The following PLCE1 variants were observed in gnomAD, a reference collection of about 807,000 sequenced individuals.
PLCE1 encodes 1-phosphatidylinositol 4,5-bisphosphate phosphodiesterase epsilon-1.
PLCE1 carries 119 observed loss-of-function variants against 242.8 expected under a neutral mutation model. The ratio of observed to expected loss-of-function variants is 0.49; its 90% CI spans 0.42 to 0.57. The LOEUF is 0.57. PLCE1 is among the 20% of genes least tolerant of loss of function. PLCE1 has a pLI of 0.00. For synonymous variants in PLCE1, 945 were observed against 1,017.4 expected, an observed-to-expected ratio of 0.93 and a Z score of 1.35; for missense variants, 2,441 against 2,788.8, an observed-to-expected ratio of 0.88 and a Z score of 2.81.
chr10:94,263,213 T>A (rs1200666330), intron 14 of PLCE1, among the ~76,000 whole-genome samples: 1 of 151,828 alleles, frequency 6.6e-6, no homozygotes, highest in African/African-American at 2.4e-5. Context: ...GTATGTTTTT[T>A]AACAAAATAC....
chr10:94,012,576 C>T (rs548321218), intron 1 of PLCE1, among the ~76,000 whole-genome samples: 317 of 152,222 alleles, frequency 2.1e-3, no homozygotes, highest in African/African-American at 7.3e-3. Context: ...TCACCCTGGA[C>T]GGTGCAGCTT....
intron 4 of PLCE1, among the ~76,000 whole-genome samples, chr10:94,198,286 T>C (rs2048887812): frequency 6.6e-6 from 1 of 152,162 alleles, no homozygotes; most frequent in South Asian, 2.1e-4. Flanking sequence ...TGAATATGTG[T>C]TCATTCTCAA....
At chr10:94,053,060 GC>G (rs745646551) in intron 2 of PLCE1, among the ~76,000 whole-genome samples, 6 of 152,140 alleles carry the variant, frequency 3.9e-5, no homozygotes, top group Non-Finnish European at 8.8e-5. Context: ...CTTTTGGAAT[GC>G]CCTTCATTTC....
chr10:94,069,509 A>C (rs1292001833), intron 2 of PLCE1, among the ~76,000 whole-genome samples: 2 of 152,198 alleles, frequency 1.3e-5, no homozygotes, highest in African/African-American at 4.8e-5. Context: ...GCTACTCCGG[A>C]GCCTGAGGCA....
At chr10:94,228,495 G>A (rs906773564) in intron 5 of PLCE1, among the ~76,000 whole-genome samples, 5 of 152,150 alleles carry the variant, frequency 3.3e-5, no homozygotes, top group Non-Finnish European at 7.4e-5. Flanking sequence ...ACACATGTGC[G>A]TGGCGTATAG....
chr10:94,108,054 A>G (rs1346612207), intron 2 of PLCE1, among the ~76,000 whole-genome samples: 1 of 152,212 alleles, frequency 6.6e-6, no homozygotes, highest in Non-Finnish European at 1.5e-5. Flanking sequence ...TCAATTCCAT[A>G]GCACAAGCTA....
chr10:94,252,317 A>T lies in PLCE1; in HGVS notation c.3098A>T (p.Glu1033Val). Residue 1033 changes from glutamate to valine, a missense_variant and splice_region_variant, in exon 9 of 33, where the codon GAG becomes GTG. Glu to Val is a moderately radical substitution (Grantham distance 121). Coordinates refer to ENST00000371380, the MANE Select transcript of PLCE1 (RefSeq NM_016341.4). ...GTTCACCATGTGGCTCTTTCACAGG[A>T]GGATGGACGGTATGAAGGCCCAACT... Reference protein sequence around the residue: ...LRKQYVSLYQEDGRYEGPTLA... With the variant: ...LRKQYVSLYQVDGRYEGPTLA... The T allele has an allele frequency of 1.2e-6, 2 of 1,613,954 alleles. No individual in the cohort carries two copies. Among genetic ancestry groups the T allele is most frequent in the Non-Finnish European group, 1.7e-6 (2 of 1,179,908 alleles).
At chr10:94,222,702 G>C (rs150292918) in intron 4 of PLCE1, among the ~76,000 whole-genome samples, 1 of 152,260 alleles carries the variant, frequency 6.6e-6, no homozygotes, top group Non-Finnish European at 1.5e-5. Context: ...TTCCCATCCT[G>C]GCTTGTGTGC....
At chr10:94,156,964 G>A (rs1332388377) in intron 3 of PLCE1, among the ~76,000 whole-genome samples, 2 of 152,076 alleles carry the variant, frequency 1.3e-5, no homozygotes, top group Non-Finnish European at 2.9e-5. Context: ...TCTTTTCATA[G>A]AGAGAAGAGC....
At chr10:94,229,197 C>CA (rs200316786) in intron 5 of PLCE1, among the ~76,000 whole-genome samples, 3,901 of 123,308 alleles carry the variant, frequency 0.032, 164 homozygotes, top group African/African-American at 0.11. Flanking sequence ...ACAAAACAAA[C>CA]AAACAAAAAA....
chr10:94,035,237 T>C (rs928217933), intron 2 of PLCE1, among the ~76,000 whole-genome samples: 1 of 152,254 alleles, frequency 6.6e-6, no homozygotes, highest in African/African-American at 2.4e-5. Context: ...GCAAAGTGAA[T>C]GGAAATAGGT....
Position 94,284,980 on chromosome 10 carries a change from T to C in PLCE1, c.5035+15T>C, listed in dbSNP as rs1020802608. The C allele has an allele frequency of 7.6e-7, 1 of 1,309,258 alleles. No homozygotes were observed. The highest frequency in any genetic ancestry group is 1.2e-5 in the South Asian group (1 of 84,836). The allele number at this position is 1,309,258 out of a possible 1,614,324, so 81.1% of individuals were successfully genotyped here. On this transcript the variant is annotated intron_variant, in intron 22 of 32. Coordinates refer to ENST00000371380, the MANE Select transcript of PLCE1 (RefSeq NM_016341.4). ...AAAATTTCCAGGTAAGATTAGGCAA[T>C]ATCATCTATAACTTTTAAAGATATC...
intron 3 of PLCE1, chr10:94,137,976 C>G: frequency 1.0e-5 from 4 of 389,984 alleles, no homozygotes; most frequent in South Asian, 7.5e-5. Flanking sequence ...TCCATTCATC[C>G]TGATAACATG....
chr10:94,132,432 G>T lies in PLCE1; in HGVS notation c.1465G>T (p.Gly489Ter). 1 of 1,614,038 alleles carries T rather than the reference G, an allele frequency of 6.2e-7. No individual in the cohort carries two copies. The highest frequency in any genetic ancestry group is 8.5e-7 in the Non-Finnish European group (1 of 1,179,986). ...AAGTGGCCTTCTCAGTACTTTTGGA[G>T]GATCCACTGGACGAATGATGCTGAA... Reference protein sequence around the residue: ...ARSGLLSTFGGSTGRMMLKER... With the variant: ...ARSGLLSTFG Residue 489 changes from glycine to a stop codon, truncating the protein, a stop_gained, in exon 3 of 33, where the codon GGA (glycine) becomes TGA (stop). Transcript: ENST00000371380. LOFTEE classifies it high-confidence loss of function.
At position 93,995,002 on chromosome 10, in the gene PLCE1, C is replaced by T. The variant is rs112148168; in HGVS notation, c.-365+744C>T. Among the ~76,000 whole-genome samples the T allele has an allele frequency of 7.9e-5, 12 of 152,234 alleles. No individual in the cohort carries two copies. In the South Asian group the frequency reaches 2.1e-3, roughly 26 times the overall value. On this transcript the variant is annotated intron_variant, in intron 1 of 32. Transcript: ENST00000371380. ...TCAGTTGCATTATGCAAAATTTGCCCGTAGGTCTTTTAGATCTCTGCAGGA... is the reference window on the plus strand; with the variant it reads ...TCAGTTGCATTATGCAAAATTTGCCTGTAGGTCTTTTAGATCTCTGCAGGA...
At chr10:94,320,216 A>G (rs1297808780) in intron 29 of PLCE1, among the ~76,000 whole-genome samples, 1 of 152,186 alleles carries the variant, frequency 6.6e-6, no homozygotes, top group Non-Finnish European at 1.5e-5. Flanking sequence ...CATAGGATAC[A>G]ATCTCATTTT....
chr10:94,168,886 C>G (rs1214733145), intron 3 of PLCE1, among the ~76,000 whole-genome samples: 1 of 152,138 alleles, frequency 6.6e-6, no homozygotes, highest in Non-Finnish European at 1.5e-5. Flanking sequence ...CGGTTGGCCT[C>G]TTTCATCAAG....
intron 2 of PLCE1, among the ~76,000 whole-genome samples, chr10:94,097,151 A>G (rs2045346389): frequency 6.6e-6 from 1 of 152,232 alleles, no homozygotes; most frequent in South Asian, 2.1e-4. Flanking sequence ...AGCTAAGGCT[A>G]CTTGACCTAT....
intron 4 of PLCE1, among the ~76,000 whole-genome samples, chr10:94,207,713 CT>C (rs1221363756): frequency 6.6e-6 from 1 of 151,848 alleles, no homozygotes; most frequent in African/African-American, 2.4e-5. Context: ...GATGCCATGG[CT>C]GGGGAAGGGA....
Sources: allele counts gnomAD v4.1 joint callset (sites outside exome capture counted in the v4.1 genomes callset), GRCh38; gene constraint gnomAD v4.1.1; transcripts MANE v1.5; gene names NCBI Gene and HGNC (gene_info 2026-07-23, HGNC 2026-07-21).